The following TAB2 variants were observed in gnomAD, a reference collection of about 807,000 sequenced individuals.
TAB2 encodes TGF-beta activated kinase 1 (MAP3K7) binding protein 2.
A neutral mutation model predicts 65.0 loss-of-function variants in TAB2; 3 were observed. The ratio of observed to expected loss-of-function variants is 0.05; its 90% CI spans 0.02 to 0.12. TAB2 has a LOEUF of 0.12. TAB2 is among the 10% of genes least tolerant of loss of function. The probability of loss-of-function intolerance (pLI) is 1.00; values close to 1 mark genes in which losing one functional copy is unlikely to be tolerated. For synonymous variants in TAB2, 298 were observed against 285.1 expected (o/e 1.05, Z -0.46); for missense variants, 623 against 840.3 (o/e 0.74, Z 3.20).
chr6:149,246,127 C>G (rs1170061812), intron 1 of TAB2: 1 of 152,178 alleles, frequency 6.6e-6, no homozygotes, highest in Non-Finnish European at 1.5e-5. Context: ...CCATGTTGGC[C>G]AGGATGGTCT....
rs1302787578 is a variant in TAB2, at chr6:149,411,021, AAAAC to A, written c.*1305_*1308del. On this transcript the variant is annotated 3_prime_UTR_variant, in exon 7 of 7. Coordinates refer to ENST00000637181, the MANE Select transcript of TAB2 (RefSeq NM_001292034.3). ...GACAACTGAAGAAAAGCTGGAAAAA[AAAAC>A]AAGCAAACTTGAACACTGAAGCAAC... is the stretch of plus-strand genomic sequence containing the variant. The A allele has an allele frequency of 2.0e-5, 3 of 152,682 alleles. No individual in the cohort carries two copies. The highest frequency in any genetic ancestry group is 4.8e-5 in the African/African-American group (2 of 41,464). The allele number at this position is 152,682 out of a possible 1,614,324, so 9.5% of individuals were successfully genotyped here. A position where few individuals can be genotyped will look rare whatever the true frequency, so the allele number is the denominator to read the frequency against.
chr6:149,370,454 A>AAT (rs1781187207), intron 2 of TAB2, among the ~76,000 whole-genome samples: 1 of 152,094 alleles, frequency 6.6e-6, no homozygotes. Flanking sequence ...AAAATGATTA[A>AAT]AGAGTCAGGA....
At chr6:149,313,926 C>T (rs1779206780), upstream of TAB2, among the ~76,000 whole-genome samples, 1 of 152,182 alleles carries the variant, frequency 6.6e-6, no homozygotes, top group South Asian at 2.1e-4. Flanking sequence ...GGCTTGGATG[C>T]TTGGAATGAC....
chr6:149,318,308 C>A (rs1779323650), intron 1 of TAB2, among the ~76,000 whole-genome samples: 1 of 151,668 alleles, frequency 6.6e-6, no homozygotes, highest in Non-Finnish European at 1.5e-5. Context: ...GAATCGAGCG[C>A]CTAGGAGAGC....
intron 1 of TAB2, among the ~76,000 whole-genome samples, chr6:149,230,562 G>C (rs1777383455): frequency 6.6e-6 from 1 of 152,246 alleles, no homozygotes; most frequent in Admixed American, 6.5e-5. Context: ...AAGGAATATA[G>C]AGTGTAAAAA....
intron 1 of TAB2, among the ~76,000 whole-genome samples, chr6:149,356,137 A>G (rs1432888153): frequency 1.3e-5 from 2 of 152,182 alleles, no homozygotes; most frequent in Non-Finnish European, 2.9e-5. Flanking sequence ...GAGAATTCCA[A>G]ATGCTTATTT....
At chr6:149,235,025 A>C (rs9498262) in intron 1 of TAB2, among the ~76,000 whole-genome samples, 49,142 of 152,206 alleles carry the variant, frequency 0.32, 9,140 homozygotes, top group Admixed American at 0.44. Context: ...TGACTTCAGC[A>C]CTTTTTATTA....
chr6:149,318,501 G>C (rs945749936), intron 1 of TAB2: 2 of 152,024 alleles, frequency 1.3e-5, no homozygotes, highest in Admixed American at 6.6e-5. Context: ...GCAGTTATGT[G>C]GGGGTCGGGC....
chr6:149,410,052 A>G lies in TAB2; in HGVS notation c.*333A>G. ...AATACCTTTTTCCCCTCATGTCACT[A>G]CTGAATTTTGACAGGAGGAAGGAAT... On this transcript the variant is annotated 3_prime_UTR_variant, in exon 7 of 7. Coordinates refer to ENST00000637181, the MANE Select transcript of TAB2 (RefSeq NM_001292034.3). The G allele has an allele frequency of 3.0e-6, 1 of 335,888 alleles. No individual in the cohort carries two copies. The highest frequency in any genetic ancestry group is 5.5e-6 in the Non-Finnish European group (1 of 180,184). The allele number at this position is 335,888 out of a possible 1,614,324, so 20.8% of individuals were successfully genotyped here.
At chr6:149,261,343 A>T (rs1778148384) in intron 1 of TAB2, among the ~76,000 whole-genome samples, 1 of 152,204 alleles carries the variant, frequency 6.6e-6, no homozygotes. Context: ...ATCATGTTGA[A>T]GAGTTTAAAG....
At chr6:149,311,562 T>C (rs1234647117) in intron 1 of TAB2, among the ~76,000 whole-genome samples, 1 of 152,236 alleles carries the variant, frequency 6.6e-6, no homozygotes, top group Non-Finnish European at 1.5e-5. Flanking sequence ...CATTTACTAG[T>C]TGTTTTAGAT....
intron 6 of TAB2, among the ~76,000 whole-genome samples, chr6:149,399,468 G>A (rs1005286707): frequency 6.6e-6 from 1 of 151,706 alleles, no homozygotes; most frequent in African/African-American, 2.4e-5. Flanking sequence ...CAATTACTAA[G>A]TACAAAAATT....
chr6:149,372,878 G>C (rs1781277489), intron 2 of TAB2, among the ~76,000 whole-genome samples: 1 of 152,178 alleles, frequency 6.6e-6, no homozygotes, highest in Non-Finnish European at 1.5e-5. Context: ...TTTTGGGGCT[G>C]CTCTTCCTTT....
chr6:149,296,098 T>C (rs1303665201), intron 1 of TAB2, among the ~76,000 whole-genome samples: 1 of 152,214 alleles, frequency 6.6e-6, no homozygotes, highest in Non-Finnish European at 1.5e-5. Context: ...GCATTACACA[T>C]GCATTTTTAA....
At chr6:149,377,576 T>G (rs1781446557) in intron 2 of TAB2, among the ~76,000 whole-genome samples, 1 of 152,240 alleles carries the variant, frequency 6.6e-6, no homozygotes, top group African/African-American at 2.4e-5. Flanking sequence ...AACAAATGTG[T>G]ATAGCACTTG....
chr6:149,302,850 T>A lies in TAB2; in HGVS notation c.-120-75168T>A, dbSNP rs921483574. 8.5e-5 allele frequency among the ~76,000 whole-genome samples: 13 copies of A among 152,202 alleles called. No homozygotes were observed. The South Asian group carries it at 2.7e-3, about 32-fold the overall frequency. On this transcript the variant is annotated intron_variant, in intron 1 of 1. Coordinates refer to the TAB2 transcript ENST00000606202. The stretch of plus-strand genomic sequence containing the variant: ...CGGGCCAGTACTGGTCTGGAGGCTG[T>A]TAGGAACTGGGCCACACAGCAGGAA...
At chr6:149,400,599 A>G in intron 6 of TAB2, 3 of 1,614,246 alleles carry the variant, frequency 1.9e-6, no homozygotes, top group Non-Finnish European at 2.5e-6. Flanking sequence ...AATCAGTGGA[A>G]CAGACAAACC....
At chr6:149,329,266 G>C (rs1345290749) in intron 1 of TAB2, among the ~76,000 whole-genome samples, 1 of 152,136 alleles carries the variant, frequency 6.6e-6, no homozygotes, top group Non-Finnish European at 1.5e-5. Context: ...GTATCTATTT[G>C]AGAGTTGATT....
At chr6:149,327,363 C>T (rs532625819) in intron 1 of TAB2, among the ~76,000 whole-genome samples, 12 of 152,198 alleles carry the variant, frequency 7.9e-5, no homozygotes, top group East Asian at 3.9e-4. Flanking sequence ...ATGGGGGTTT[C>T]GTTATGTTGC....
Sources: gnomAD v4.1 joint callset for allele counts (sites outside exome capture counted in the v4.1 genomes callset) on GRCh38, gnomAD v4.1.1 for gene constraint, MANE v1.5 for transcripts, NCBI Gene and HGNC (gene_info 2026-07-23, HGNC 2026-07-21) for gene names.